Variants in PARD3 observed in about 807,000 individuals in gnomAD.
The protein encoded by PARD3 is par-3 family cell polarity regulator.
Under a neutral mutation model 155.4 loss-of-function variants are expected in PARD3, and 75 were observed. The ratio of observed to expected loss-of-function variants is 0.48; its 90% CI spans 0.40 to 0.58. PARD3 has a LOEUF of 0.58. PARD3 is among the 20% of genes least tolerant of loss of function. The pLI, the probability that PARD3 is intolerant of heterozygous loss-of-function variation, is 0.00. For synonymous variants in PARD3, 576 were observed against 610.5 expected (o/e 0.94, Z 0.83); for missense variants, 1,642 against 1,721.7 (o/e 0.95, Z 0.82).
chr10:34,126,356 G>A lies in PARD3; in HGVS notation c.3540+5107C>T, dbSNP rs114559464. Among the ~76,000 whole-genome samples the A allele has an allele frequency of 5.4e-3, 816 of 152,210 alleles. 7 individuals are homozygous for A. The highest frequency in any genetic ancestry group is 0.018 in the African/African-American group (766 of 41,522). ...AAAGGGCTACTTGGATGAATTTTCC[G>A]CAGCATCCTGCTCTGTATGTAAAGT... On this transcript the variant is annotated intron_variant, in intron 23 of 24. Transcript: ENST00000374788.
chr10:34,232,036 A>T (rs747106890), intron 22 of PARD3, among the ~76,000 whole-genome samples: 6 of 152,146 alleles, frequency 3.9e-5, no homozygotes, highest in Admixed American at 6.5e-5. Context: ...TAGGCGCTTC[A>T]CAGAACTCGA....
At chr10:34,778,869 A>G (rs1457492332) in intron 1 of PARD3, among the ~76,000 whole-genome samples, 1 of 152,252 alleles carries the variant, frequency 6.6e-6, no homozygotes, top group African/African-American at 2.4e-5. Context: ...GAGGTAGACC[A>G]GTATTTTTGT....
intron 19 of PARD3, among the ~76,000 whole-genome samples, chr10:34,317,825 G>C (rs745497984): frequency 6.6e-6 from 1 of 152,166 alleles, no homozygotes; most frequent in African/African-American, 2.4e-5. Flanking sequence ...TCAGCACAAG[G>C]ACTTCTTTCC....
At chr10:34,201,449 T>C (rs781434777) in intron 22 of PARD3, among the ~76,000 whole-genome samples, 2 of 152,210 alleles carry the variant, frequency 1.3e-5, no homozygotes, top group African/African-American at 4.8e-5. Context: ...AAATAAATTA[T>C]GAAGAAATCA....
rs187478480 is a variant in PARD3 at position 34,653,135 on chromosome 10, T to C, written c.222+43183A>G. Among the ~76,000 whole-genome samples, 63 of 152,326 alleles carry C rather than the reference T, an allele frequency of 4.1e-4. No individual in the cohort carries two copies. The East Asian group carries it at 5.0e-3, about 12-fold the overall frequency. On this transcript the variant is annotated intron_variant, in intron 2 of 24. Coordinates refer to ENST00000374788, the MANE Select transcript of PARD3 (RefSeq NM_001184785.2). ...GGTTTGGAGGGTCTTATATAAGTGA[T>C]AGTAATCAGAAAAATGGTATTTTGG...
chr10:34,131,814 CT>C (rs34722644), intron 22 of PARD3, among the ~76,000 whole-genome samples: 44,907 of 147,586 alleles, frequency 0.3, 6,883 homozygotes, highest in Non-Finnish European at 0.32. Context: ...TTTAGATATT[CT>C]TTTTTTTTTT....
intron 2 of PARD3, among the ~76,000 whole-genome samples, chr10:34,608,696 G>A (rs984306343): frequency 3.3e-5 from 5 of 151,804 alleles, no homozygotes; most frequent in Middle Eastern, 3.4e-3. Context: ...CACCACGCTC[G>A]CCTAATTTTG....
chr10:34,117,445 AG>A (rs1192019692), intron 24 of PARD3, among the ~76,000 whole-genome samples: 6 of 147,756 alleles, frequency 4.1e-5, no homozygotes, highest in East Asian at 4.3e-4. Context: ...GGCAGTGGGG[AG>A]GGGGCAGGGG....
Position 34,359,258 on chromosome 10 carries a change from GC to G in PARD3, c.1955del (p.Gly652AlafsTer11). The G allele has an allele frequency of 6.2e-7, 1 of 1,613,650 alleles. No individual in the cohort carries two copies. Among genetic ancestry groups the G allele is most frequent in the South Asian group, 1.1e-5 (1 of 91,064 alleles). ...LIAVNGESLLGKTNQDAMETL... is the reference protein window; with the variant it reads ...LIAVNGESLLXKTNQDAMETL... ...TTTCCATGGCATCTTGGTTTGTCTT[GC>G]CCAACAGGGATTCTCCATTTACTGC... On this transcript the variant is annotated frameshift_variant, in exon 14 of 25. Coordinates refer to ENST00000374788, the MANE Select transcript of PARD3 (RefSeq NM_001184785.2). LOFTEE classifies it high-confidence loss of function.
At chr10:34,312,223 C>T (rs1957737397) in intron 20 of PARD3, 5 of 1,539,214 alleles carry the variant, frequency 3.2e-6, no homozygotes, top group African/African-American at 1.4e-5. Context: ...CATCAAACTG[C>T]TGATGTCGTA....
Position 34,185,271 on chromosome 10 carries a change from T to C in PARD3, c.3420-53688A>G, listed in dbSNP as rs536650429. 2.6e-5 allele frequency among the ~76,000 whole-genome samples: 4 copies of C among 152,370 alleles called. No individual in the cohort carries two copies. The South Asian group carries it at 8.3e-4, about 32-fold the overall frequency. On this transcript the variant is annotated intron_variant, in intron 22 of 24. Coordinates refer to ENST00000374788, the MANE Select transcript of PARD3 (RefSeq NM_001184785.2). ...TTGAGAGGTTATGTAAGCATTGTCC[T>C]GGGTCCTGATCTGCAAATTTCTTTG... is the stretch of plus-strand genomic sequence containing the variant.
chr10:34,344,459 T>G (rs1837188351), intron 15 of PARD3: 2 of 570,958 alleles, frequency 3.5e-6, no homozygotes, highest in South Asian at 7.6e-5. Context: ...ATTTTTGTAT[T>G]TTTCGTAGAG....
intron 9 of PARD3, among the ~76,000 whole-genome samples, chr10:34,381,840 G>A (rs1208182709): frequency 2.0e-5 from 3 of 146,990 alleles, no homozygotes; most frequent in African/African-American, 5.0e-5. Context: ...CTGACATGGG[G>A]TGTTGCGGGC....
chr10:34,206,467 C>A (rs1041013087), intron 22 of PARD3, among the ~76,000 whole-genome samples: 4 of 152,190 alleles, frequency 2.6e-5, no homozygotes, highest in Non-Finnish European at 4.4e-5. Flanking sequence ...GACAGGCAAG[C>A]CCCAAAACTG....
intron 3 of PARD3, among the ~76,000 whole-genome samples, chr10:34,480,687 A>G (rs2079018796): frequency 6.6e-6 from 1 of 152,196 alleles, no homozygotes; most frequent in Admixed American, 6.5e-5. Flanking sequence ...ATCAGTCAGG[A>G]ACAAAAATAC....
intron 5 of PARD3, among the ~76,000 whole-genome samples, chr10:34,414,731 C>T (rs1025347646): frequency 8.6e-5 from 13 of 151,946 alleles, no homozygotes; most frequent in Non-Finnish European, 1.8e-4. Context: ...TCGAAACATA[C>T]CCAAGGTGAT....
At chr10:34,537,626 C>T (rs909073679) in intron 2 of PARD3, among the ~76,000 whole-genome samples, 1 of 152,184 alleles carries the variant, frequency 6.6e-6, no homozygotes, top group Admixed American at 6.5e-5. Context: ...AACTGGAAGC[C>T]ACTCTGACAA....
rs187095294 is a variant in PARD3 at position 34,264,376 on chromosome 10, C to T, written c.3419+5281G>A. Among the ~76,000 whole-genome samples, 21 of 152,292 alleles carry T rather than the reference C, an allele frequency of 1.4e-4. No homozygotes were observed. The East Asian group carries it at 3.9e-3, about 28-fold the overall frequency. On this transcript the variant is annotated intron_variant, in intron 22 of 24. Transcript: ENST00000374788. ...ACAATGAGCTTATCAGGACCGAACA[C>T]CATTGAAAGTTGAGAAGCATCTGTA...
intron 1 of PARD3, among the ~76,000 whole-genome samples, chr10:34,713,218 AAATTAATT>A (rs71033339): frequency 6.6e-6 from 1 of 151,092 alleles, no homozygotes; most frequent in African/African-American, 2.4e-5. Context: ...TCTCAAAAAT[AAATTAATT>A]AATTAATTAA....
Sources: gnomAD v4.1 joint callset for allele counts (sites outside exome capture counted in the v4.1 genomes callset) on GRCh38, gnomAD v4.1.1 for gene constraint, MANE v1.5 for transcripts, NCBI Gene and HGNC (gene_info 2026-07-23, HGNC 2026-07-21) for gene names.